ZPBP: variants seen among roughly 807,000 people sequenced by gnomAD.
ZPBP encodes the protein zona pellucida-binding protein 1.
In ZPBP, 26 loss-of-function variants were observed where a neutral mutation model predicts 44.8. That is an observed-to-expected ratio of 0.58 (90% confidence interval 0.43 to 0.81). The LOEUF is 0.81. ZPBP is among the 30% of genes least tolerant of loss of function. The pLI, the probability that ZPBP is intolerant of heterozygous loss-of-function variation, is 0.00. For missense variants in ZPBP, 409 were observed against 434.0 expected (o/e 0.94, Z 0.51); for synonymous variants, 174 against 153.2 (o/e 1.14, Z -1.00).
chr7:50,016,923 A>ATT (rs1441646204), intron 6 of ZPBP, among the ~76,000 whole-genome samples: 1 of 152,102 alleles, frequency 6.6e-6, no homozygotes, highest in East Asian at 1.9e-4. Flanking sequence ...GCTTAAGAAA[A>ATT]TTTTTTAAAT....
In ZPBP at chr7:50,093,145, C is replaced by G. The variant is rs202231065; in HGVS notation, c.50G>C (p.Arg17Pro). 6.9e-3 allele frequency: 10,615 copies of G among 1,545,074 alleles called. 59 individuals carry two copies. Among genetic ancestry groups the G allele is most frequent in the Middle Eastern group, 0.022 (100 of 4,550 alleles). ...GPARRGRRRT[R>P]AAGSLLSRAA... ...CCGAGAGAGCAGGGAGCCGGCGGCC[C>G]GGGTCCGCCGCCTGCCCCGCCGCGC... The change falls in exon 1 of 8, where the codon CGG becomes CCG. Residue 17 changes from arginine to proline, a missense_variant. Coordinates refer to ENST00000046087, the MANE Select transcript of ZPBP (RefSeq NM_007009.3).
At chr7:50,031,065 C>T (rs777931176) in intron 5 of ZPBP, 27 bp downstream of exon 5, 54 of 1,603,094 alleles carry the variant, frequency 3.4e-5, no homozygotes, top group Admixed American at 3.2e-4. Context: ...TCTCCATTTG[C>T]TTTTCTAACA....
intron 2 of ZPBP, among the ~76,000 whole-genome samples, chr7:49,876,628 C>T (rs1415665618): frequency 6.6e-6 from 1 of 152,108 alleles, no homozygotes; most frequent in African/African-American, 2.4e-5. Context: ...GGAAAGAGAT[C>T]AAGGGAAGAA....
At chr7:49,848,524 T>C (rs1338414589), downstream of ZPBP, among the ~76,000 whole-genome samples, 2 of 152,238 alleles carry the variant, frequency 1.3e-5, no homozygotes, top group Non-Finnish European at 1.5e-5. Flanking sequence ...AGAAATGGTG[T>C]GTCTCCTGTA....
intron 2 of ZPBP, among the ~76,000 whole-genome samples, chr7:49,884,932 T>C (rs917674253): frequency 2.0e-5 from 3 of 152,060 alleles, no homozygotes; most frequent in Admixed American, 2.0e-4. Context: ...CCTTGACCAA[T>C]GAAATAATAG....
At chr7:50,040,744 C>A (rs571708097) in intron 4 of ZPBP, among the ~76,000 whole-genome samples, 1 of 152,294 alleles carries the variant, frequency 6.6e-6, no homozygotes, top group African/African-American at 2.4e-5. Flanking sequence ...TGGGCAGACA[C>A]CGAGTGAGCT....
At chr7:50,014,218 T>C (rs1326726397) in intron 6 of ZPBP, among the ~76,000 whole-genome samples, 2 of 152,040 alleles carry the variant, frequency 1.3e-5, no homozygotes, top group Non-Finnish European at 2.9e-5. Context: ...ACTCCAATCC[T>C]AACCCAAGCA....
At chr7:49,969,852 AAG>A (rs34692963) in intron 7 of ZPBP, among the ~76,000 whole-genome samples, 2 of 124,492 alleles carry the variant, frequency 1.6e-5, no homozygotes, top group African/African-American at 5.4e-5. Context: ...GAGAAAGAGA[AAG>A]AGAGAGAGAG....
At position 50,011,405 on chromosome 7, in the gene ZPBP, T is replaced by C. The variant is rs547597422; in HGVS notation, c.783+6835A>G. Reference sequence around the variant, plus strand: ...AAAAGCTTCTGCACAACAAAGGAAATAATCAGTAAAGTGAACAGACAACCA... The same window carrying C: ...AAAAGCTTCTGCACAACAAAGGAAACAATCAGTAAAGTGAACAGACAACCA... On this transcript the variant is annotated intron_variant, in intron 6 of 7. Transcript: ENST00000046087. 9.2e-5 allele frequency among the ~76,000 whole-genome samples: 14 copies of C among 152,206 alleles called. No individual in the cohort carries two copies. The South Asian group carries it at 1.9e-3, about 20-fold the overall frequency.
At chr7:49,854,147 C>G (rs2128717702) in intron 2 of ZPBP, among the ~76,000 whole-genome samples, 1 of 152,224 alleles carries the variant, frequency 6.6e-6, no homozygotes, top group African/African-American at 2.4e-5. Flanking sequence ...CAAGTCTTTG[C>G]TATTGTGAAT....
chr7:49,981,686 A>ATATT (rs556651748), intron 7 of ZPBP, among the ~76,000 whole-genome samples: 4 of 40,630 alleles, frequency 9.8e-5, no homozygotes, highest in African/African-American at 7.0e-4. Context: ...TATATATAAT[A>ATATT]ATATATATAA....
At chr7:49,885,725 G>T (rs957910974) in intron 2 of ZPBP, among the ~76,000 whole-genome samples, 1 of 152,248 alleles carries the variant, frequency 6.6e-6, no homozygotes, top group African/African-American at 2.4e-5. Flanking sequence ...GAGGGTGTAA[G>T]AAATTGGGGC....
intron 6 of ZPBP, among the ~76,000 whole-genome samples, chr7:50,012,960 T>TA (rs1290382337): frequency 6.6e-6 from 1 of 151,848 alleles, no homozygotes; most frequent in Admixed American, 6.6e-5. Context: ...ACAAGGATAA[T>TA]ATGAAAATAT....
chr7:49,924,568 ACCTGTGGTC>A (rs1358792155), intron 1 of ZPBP, among the ~76,000 whole-genome samples: 2 of 152,134 alleles, frequency 1.3e-5, no homozygotes, highest in Non-Finnish European at 2.9e-5. Flanking sequence ...GGTGGTACAC[ACCTGTGGTC>A]CCAGCTACTC....
intron 4 of ZPBP, among the ~76,000 whole-genome samples, chr7:50,050,863 G>A (rs1800659694): frequency 6.7e-6 from 1 of 148,370 alleles, no homozygotes; most frequent in Non-Finnish European, 1.5e-5. Context: ...TACCATTCAG[G>A]ACATAGGCAC....
At chr7:50,091,387 G>T (rs1174009599) in intron 1 of ZPBP, among the ~76,000 whole-genome samples, 1 of 152,030 alleles carries the variant, frequency 6.6e-6, no homozygotes, top group African/African-American at 2.4e-5. Flanking sequence ...TTGGGTTCTT[G>T]GACATGAAAT....
chr7:49,904,354 G>C (rs550779431), intron 1 of ZPBP, among the ~76,000 whole-genome samples: 22 of 152,318 alleles, frequency 1.4e-4, no homozygotes, highest in Non-Finnish European at 2.8e-4. Context: ...AAAACTGAGT[G>C]AAGGCTGCAT....
intron 4 of ZPBP, among the ~76,000 whole-genome samples, chr7:50,035,110 T>G (rs558422084): frequency 6.6e-6 from 1 of 152,354 alleles, no homozygotes; most frequent in East Asian, 1.9e-4. Flanking sequence ...TCCCACATTT[T>G]CTAATCTTTT....
At chr7:49,981,006 G>C (rs1348201807) in intron 7 of ZPBP, among the ~76,000 whole-genome samples, 21 of 149,978 alleles carry the variant, frequency 1.4e-4, no homozygotes, top group African/African-American at 4.7e-4. Flanking sequence ...TTTGTGTTTT[G>C]TTATTTAAAT....
Sources: gnomAD v4.1 joint callset for allele counts (sites outside exome capture counted in the v4.1 genomes callset) on GRCh38, gnomAD v4.1.1 for gene constraint, MANE v1.5 for transcripts, NCBI Gene and HGNC (gene_info 2026-07-23, HGNC 2026-07-21) for gene names.